The following METTL22 variants were observed in gnomAD, a reference collection of about 807,000 sequenced individuals.
The protein encoded by METTL22 is methyltransferase 22, Kin17 lysine.
A neutral mutation model predicts 48.4 loss-of-function variants in METTL22; 51 were observed. That is an observed-to-expected ratio of 1.05 (90% confidence interval 0.84 to 1.33). The LOEUF (loss-of-function observed/expected upper bound fraction) is 1.33, where lower values mean the gene tolerates loss of function less well. Among genes scored for constraint, METTL22 ranks in the 40% most tolerant of loss-of-function variants. The probability of loss-of-function intolerance (pLI) is 0.00; values close to 1 mark genes in which losing one functional copy is unlikely to be tolerated. For missense variants in METTL22, 678 were observed against 526.9 expected, an observed-to-expected ratio of 1.29 and a Z score of -2.81; for synonymous variants, 255 against 214.1, an observed-to-expected ratio of 1.19 and a Z score of -1.67.
chr16:8,641,281 C>T, intron 7 of METTL22, 97 bp downstream of exon 7: 1 of 1,183,970 alleles, frequency 8.4e-7, no homozygotes, highest in Non-Finnish European at 1.3e-6. Flanking sequence ...AGCTGTAGTC[C>T]CAGCTGCTGC....
intron 2 of METTL22, among the ~76,000 whole-genome samples, chr16:8,626,421 G>A (rs371078325): frequency 6.6e-6 from 1 of 151,270 alleles, no homozygotes; most frequent in Non-Finnish European, 1.5e-5. Flanking sequence ...GAGACAAAGT[G>A]CTGGGGCTCC....
At chr16:8,630,650 T>A (rs184237416) in intron 3 of METTL22, among the ~76,000 whole-genome samples, 53 of 152,274 alleles carry the variant, frequency 3.5e-4, no homozygotes, top group African/African-American at 1.3e-3. Flanking sequence ...GTAGTGAATG[T>A]TCTGGGAATT....
In METTL22 at chr16:8,628,643, G is replaced by C. The variant is rs1191225372; in HGVS notation, c.134-87G>C. 2.7e-6 allele frequency: 4 copies of C among 1,491,378 alleles called. No individual in the cohort carries two copies. The East Asian group carries it at 9.1e-5, about 34-fold the overall frequency. 92.4% of individuals were successfully genotyped at this position (1,491,378 alleles called of 1,614,324 possible). ...CTGGCCTTTAAAAATCTTTCCTATT[G>C]GTAATCAGATATTCTCAAAGAAGAA... On this transcript the variant is annotated intron_variant, in intron 2 of 10. Coordinates refer to ENST00000381920, the MANE Select transcript of METTL22 (RefSeq NM_024109.4).
At chr16:8,631,087 C>T (rs974027077) in intron 3 of METTL22, among the ~76,000 whole-genome samples, 3 of 152,332 alleles carry the variant, frequency 2.0e-5, no homozygotes, top group Middle Eastern at 3.4e-3. Context: ...GCGCCAGGAG[C>T]AGGGCCTGGC....
At chr16:8,636,714 G>C (rs1175260692) in intron 5 of METTL22, among the ~76,000 whole-genome samples, 1 of 150,692 alleles carries the variant, frequency 6.6e-6, no homozygotes, top group Non-Finnish European at 1.5e-5. Flanking sequence ...CTAATAATCT[G>C]TCACCTAGGT....
chr16:8,637,041 A>C (rs1260812192), intron 5 of METTL22, among the ~76,000 whole-genome samples: 3 of 152,242 alleles, frequency 2.0e-5, no homozygotes, highest in African/African-American at 7.2e-5. Flanking sequence ...CTTTCTTTAG[A>C]ACAAATATAC....
At chr16:8,655,903 A>T in the METTL22 span, among the ~76,000 whole-genome samples, 1 of 152,260 alleles carries the variant, frequency 6.6e-6, no homozygotes, top group Non-Finnish European at 1.5e-5. Context: ...GCTGAGGGTG[A>T]TGCCTAGCTT....
intron 5 of METTL22, among the ~76,000 whole-genome samples, chr16:8,637,039 A>G (rs1219399204): frequency 6.6e-6 from 1 of 152,234 alleles, no homozygotes; most frequent in Admixed American, 6.5e-5. Context: ...TGCTTTCTTT[A>G]GAACAAATAT....
At chr16:8,656,231 A>G in the METTL22 span, among the ~76,000 whole-genome samples, 1 of 152,318 alleles carries the variant, frequency 6.6e-6, no homozygotes, top group South Asian at 2.1e-4. Context: ...ACAGGTGTGC[A>G]CCACTGTTCC....
intron 9 of METTL22, among the ~76,000 whole-genome samples, chr16:8,643,145 G>T (rs913581472): frequency 2.0e-5 from 3 of 152,190 alleles, no homozygotes; most frequent in African/African-American, 4.8e-5. Flanking sequence ...GGAATCCACA[G>T]CAAAAGCTGT....
At chr16:8,661,375 G>A in the METTL22 span, among the ~76,000 whole-genome samples, 1 of 151,600 alleles carries the variant, frequency 6.6e-6, no homozygotes, top group Non-Finnish European at 1.5e-5. Context: ...GGCCGGGCGC[G>A]GTGGCTCACA....
chr16:8,651,215 G>A (rs8052544), downstream of METTL22, among the ~76,000 whole-genome samples: 149,212 of 151,106 alleles, frequency 0.99, 73,708 homozygotes, highest in Middle Eastern at 1. Flanking sequence ...GTGAAACCCC[G>A]TCTCTACTAA....
At chr16:8,660,808 GGAGGAGGAGGA>G in the METTL22 span, among the ~76,000 whole-genome samples, 8 of 8,386 alleles carry the variant, frequency 9.5e-4, no homozygotes, top group African/African-American at 2.0e-3. Context: ...AGGAGGAGGA[GGAGGAGGAGGA>G]GGAGGAGGAG....
chr16:8,652,673 TA>T (rs1433839719), downstream of METTL22, among the ~76,000 whole-genome samples: 2 of 19,466 alleles, frequency 1.0e-4, no homozygotes, highest in African/African-American at 1.5e-4. Flanking sequence ...AACAAATAAT[TA>T]TTTTAAAAAA....
chr16:8,644,692 A>G lies in METTL22; in HGVS notation c.1146A>G (p.Pro382=). Residue 382 remains proline, a synonymous_variant, in exon 10 of 11, where the codon CCA becomes CCG. Coordinates refer to ENST00000381920, the MANE Select transcript of METTL22 (RefSeq NM_024109.4). ...TGGAGCCCGTGGAGGCCTCCTTCCC[A>G]CAGCTCCTGGTTTACGAGCGCCTCC... ...FVVEPVEASF[P]QLLVYERLQQ... is the part of the protein sequence containing the mutation. 1 of 1,602,936 alleles carries G rather than the reference A, an allele frequency of 6.2e-7. No individual in the cohort carries two copies. Among genetic ancestry groups the G allele is most frequent in the Non-Finnish European group, 8.5e-7 (1 of 1,174,470 alleles).
chr16:8,658,671 C>T, the METTL22 span, among the ~76,000 whole-genome samples: 5 of 152,162 alleles, frequency 3.3e-5, no homozygotes, highest in African/African-American at 4.8e-5. Context: ...GTAAATATAC[C>T]GAAAGATCTT....
At chr16:8,652,601 T>C (rs967911605), downstream of METTL22, among the ~76,000 whole-genome samples, 1 of 151,750 alleles carries the variant, frequency 6.6e-6, no homozygotes, top group Non-Finnish European at 1.5e-5. Context: ...GGAGGATCAC[T>C]TGAGCCAGGA....
intron 1 of METTL22, among the ~76,000 whole-genome samples, chr16:8,624,576 G>A (rs2055977094): frequency 6.6e-6 from 1 of 151,926 alleles, no homozygotes; most frequent in Non-Finnish European, 1.5e-5. Context: ...TTCAGTAGCA[G>A]AGCTTTAAGC....
In METTL22 at chr16:8,639,020, C is replaced by G. The variant is rs868129522; in HGVS notation, c.701-71C>G. 6 of 1,374,694 alleles carry G rather than the reference C, an allele frequency of 4.4e-6. No homozygotes were observed. The Middle Eastern group carries it at 5.4e-4, about 123-fold the overall frequency. The allele number at this position is 1,374,694 out of a possible 1,614,324, so 85.2% of individuals were successfully genotyped here. On this transcript the variant is annotated intron_variant, in intron 5 of 10. Coordinates refer to ENST00000381920, the MANE Select transcript of METTL22 (RefSeq NM_024109.4). ...GTTGTGCTGTTGATCACAGCTCTCT[C>G]TAGGCAAAAAACATGGAGATAAAAG...
Sources: allele counts gnomAD v4.1 joint callset (sites outside exome capture counted in the v4.1 genomes callset), GRCh38; gene constraint gnomAD v4.1.1; transcripts MANE v1.5; gene names NCBI Gene and HGNC (gene_info 2026-07-23, HGNC 2026-07-21).